MEI4: variants seen among roughly 807,000 people sequenced by gnomAD.
MEI4 encodes meiotic double-stranded break formation protein 4.
Under a neutral mutation model 31.4 loss-of-function variants are expected in MEI4, and 27 were observed. The observed-to-expected ratio is 0.86, with a 90% confidence interval of 0.63 to 1.19. The LOEUF is 1.19. MEI4 is among the 50% of genes most tolerant of loss of function. The pLI is 0.00. For synonymous variants in MEI4, 122 were observed against 145.4 expected (o/e 0.84, Z 1.16); for missense variants, 329 against 398.9 (o/e 0.82, Z 1.49).
rs561399053 is a variant in MEI4 at position 77,910,499 on chromosome 6, G to A, written c.901-12590G>A. Among the ~76,000 whole-genome samples the A allele has an allele frequency of 5.3e-5, 8 of 152,220 alleles. No individual in the cohort carries two copies. The East Asian group carries it at 1.5e-3, about 29-fold the overall frequency. Reference sequence around the variant, plus strand: ...ATACCTAGGAATCCAACTTACAAGGGACGTGAAGGACCTCTTCAAGGAGAA... The same window carrying A: ...ATACCTAGGAATCCAACTTACAAGGAACGTGAAGGACCTCTTCAAGGAGAA... On this transcript the variant is annotated intron_variant, in intron 4 of 4. Coordinates refer to ENST00000684080, the MANE Select transcript of MEI4 (RefSeq NM_001322247.2).
At chr6:77,816,953 G>GTCATATTATTGAATGAAGCTGTA (rs1769703574) in intron 3 of MEI4, among the ~76,000 whole-genome samples, 1 of 152,064 alleles carries the variant, frequency 6.6e-6, no homozygotes, top group Non-Finnish European at 1.5e-5. Flanking sequence ...TTAAGATCCA[G>GTCATATTATTGAATGAAGCTGTA]TCATATTATT....
chr6:77,668,513 G>T (rs956151521), intron 1 of MEI4, among the ~76,000 whole-genome samples: 1 of 152,126 alleles, frequency 6.6e-6, no homozygotes, highest in African/African-American at 2.4e-5. Flanking sequence ...GTATAGTATT[G>T]ATGTTAAGTA....
intron 4 of MEI4, among the ~76,000 whole-genome samples, chr6:77,862,170 TC>T (rs1299349794): frequency 1.3e-5 from 2 of 152,006 alleles, no homozygotes; most frequent in Non-Finnish European, 2.9e-5. Context: ...TTTCTGCATT[TC>T]CAACTGAGGT....
In MEI4 at chr6:77,773,335, C is replaced by G. The variant is rs187827327; in HGVS notation, c.768+11670C>G. On this transcript the variant is annotated intron_variant, in intron 3 of 4. Transcript: ENST00000684080. Reference sequence around the variant, plus strand: ...AGTGTTGTACTGACATAGAAACAGACATACAAATCAATGGAACAAAATAGA... The same window carrying G: ...AGTGTTGTACTGACATAGAAACAGAGATACAAATCAATGGAACAAAATAGA... Among the ~76,000 whole-genome samples, 33 of 151,950 alleles carry G rather than the reference C, an allele frequency of 2.2e-4. 1 individual carries two copies. Among genetic ancestry groups the G allele is most frequent in the Admixed American group, 1.2e-3 (18 of 15,234 alleles).
intron 4 of MEI4, among the ~76,000 whole-genome samples, chr6:77,831,870 G>T (rs1313923475): frequency 2.0e-5 from 3 of 151,968 alleles, no homozygotes; most frequent in African/African-American, 4.8e-5. Context: ...TAACTAAATT[G>T]TAGAAATTAT....
At chr6:77,914,131 A>G (rs1408458560) in intron 4 of MEI4, among the ~76,000 whole-genome samples, 1 of 138,848 alleles carries the variant, frequency 7.2e-6, no homozygotes, top group Non-Finnish European at 1.6e-5. Context: ...TTTTTTTTCT[A>G]TTAAGGGTGA....
At chr6:77,899,460 C>T (rs1766146417) in intron 4 of MEI4, among the ~76,000 whole-genome samples, 1 of 151,972 alleles carries the variant, frequency 6.6e-6, no homozygotes. Flanking sequence ...AGCTTTTATC[C>T]AACTAAAAGA....
intron 1 of MEI4, among the ~76,000 whole-genome samples, chr6:77,670,108 C>T (rs58379447): frequency 0.016 from 2,418 of 152,210 alleles, 62 homozygotes; most frequent in African/African-American, 0.055. Context: ...TGGACAGCTC[C>T]CATCACTAGA....
chr6:77,699,524 A>G (rs1191020988), intron 2 of MEI4, among the ~76,000 whole-genome samples: 3 of 152,016 alleles, frequency 2.0e-5, no homozygotes, highest in African/African-American at 7.3e-5. Flanking sequence ...ATTGGTTTGA[A>G]TTTCCTCCTC....
chr6:77,828,657 A>C lies in MEI4; in HGVS notation c.769-274A>C, dbSNP rs181632571. Among the ~76,000 whole-genome samples the C allele has an allele frequency of 1.1e-4, 17 of 152,272 alleles. No homozygotes were observed. The East Asian group carries it at 2.3e-3, about 21-fold the overall frequency. On this transcript the variant is annotated intron_variant, in intron 3 of 4. Transcript: ENST00000684080. ...ATCATCTCCTTTATTCATTCTGTATATAGCCTATTATCTAAACTATTATCT... is the reference window on the plus strand; with the variant it reads ...ATCATCTCCTTTATTCATTCTGTATCTAGCCTATTATCTAAACTATTATCT...
chr6:77,833,362 G>T (rs1056046320), intron 4 of MEI4, among the ~76,000 whole-genome samples: 1 of 151,836 alleles, frequency 6.6e-6, no homozygotes, highest in Admixed American at 6.6e-5. Context: ...CAATATCCAT[G>T]GTTTTAGTAA....
intron 2 of MEI4, among the ~76,000 whole-genome samples, chr6:77,758,333 T>C (rs140302126): frequency 0.011 from 1,749 of 152,300 alleles, 14 homozygotes; most frequent in Non-Finnish European, 0.018. Context: ...AGCAAGCACA[T>C]GTCTGCACAT....
At position 77,744,651 on chromosome 6, in the gene MEI4, C is replaced by G. The variant is rs1383730581; in HGVS notation, c.233-16479C>G. 3.9e-5 allele frequency among the ~76,000 whole-genome samples: 6 copies of G among 152,076 alleles called. No homozygotes were observed. In the East Asian group the frequency reaches 1.2e-3, roughly 29 times the overall value. ...AAGATACTCCTGGAGAAGAGCAACT[C>G]CAAGACACGTAATTGTCAGATTCAC... On this transcript the variant is annotated intron_variant, in intron 2 of 4. Coordinates refer to ENST00000684080, the MANE Select transcript of MEI4 (RefSeq NM_001322247.2).
At chr6:77,656,662 G>T (rs1768402937) in intron 1 of MEI4, among the ~76,000 whole-genome samples, 1 of 152,094 alleles carries the variant, frequency 6.6e-6, no homozygotes, top group African/African-American at 2.4e-5. Context: ...TCATAACGGT[G>T]CATAAAACAC....
intron 2 of MEI4, among the ~76,000 whole-genome samples, chr6:77,741,212 G>T (rs1427124613): frequency 6.6e-6 from 1 of 152,134 alleles, no homozygotes; most frequent in African/African-American, 2.4e-5. Context: ...TGTAAATAAC[G>T]ATAAGAGTAG....
intron 4 of MEI4, among the ~76,000 whole-genome samples, chr6:77,852,190 G>T (rs1334157024): frequency 6.6e-6 from 1 of 152,134 alleles, no homozygotes; most frequent in Non-Finnish European, 1.5e-5. Flanking sequence ...AAACCTTAGA[G>T]GGTCATGGGA....
At chr6:77,675,855 G>A (rs558744276) in intron 1 of MEI4, among the ~76,000 whole-genome samples, 1 of 152,102 alleles carries the variant, frequency 6.6e-6, no homozygotes. Context: ...AGAAGCCTAG[G>A]CTTCGGATAC....
chr6:77,678,995 A>G (rs1298582476), intron 1 of MEI4, among the ~76,000 whole-genome samples: 1 of 152,232 alleles, frequency 6.6e-6, no homozygotes, highest in African/African-American at 2.4e-5. Context: ...TAGAATAAGG[A>G]CATAAAGAAA....
chr6:77,802,885 C>G (rs1400508939), intron 3 of MEI4, among the ~76,000 whole-genome samples: 1 of 152,200 alleles, frequency 6.6e-6, no homozygotes, highest in Non-Finnish European at 1.5e-5. Context: ...CCCGACCTTT[C>G]TCTCTGGCTG....
Sources: gnomAD v4.1 joint callset for allele counts (sites outside exome capture counted in the v4.1 genomes callset) on GRCh38, gnomAD v4.1.1 for gene constraint, MANE v1.5 for transcripts, NCBI Gene and HGNC (gene_info 2026-07-23, HGNC 2026-07-21) for gene names.